TOR1AIP2: variants seen among roughly 807,000 people sequenced by gnomAD.
TOR1AIP2 encodes torsin-1A-interacting protein 2.
In TOR1AIP2, 20 loss-of-function variants were observed where a neutral mutation model predicts 32.6. That is an observed-to-expected ratio of 0.61 (90% CI 0.43 to 0.89). TOR1AIP2 has a LOEUF of 0.89. Among genes scored for constraint, TOR1AIP2 ranks in the 40% least tolerant of loss-of-function variants. TOR1AIP2 has a pLI of 0.00. For synonymous variants in TOR1AIP2, 214 were observed against 210.8 expected (o/e 1.02, Z -0.13); for missense variants, 456 against 553.8 (o/e 0.82, Z 1.77).
rs1425024739 is a variant in TOR1AIP2 at position 179,840,779 on chromosome 1, G to A, written c.*5292C>T. The A allele has an allele frequency of 6.6e-6, 1 of 151,878 alleles. No individual in the cohort carries two copies. The highest frequency in any genetic ancestry group is 1.5e-5 in the Non-Finnish European group (1 of 68,018). The allele number at this position is 151,878 out of a possible 1,614,324, so 9.4% of individuals were successfully genotyped here. On this transcript the variant is annotated 3_prime_UTR_variant, in exon 7 of 7. Transcript: ENST00000609928. ...GGCTGGGGGAGGGATAGCATTAGGA[G>A]AAATACCTAATGTAGATGACGGGTT...
At chr1:179,864,692 G>A in intron 3 of TOR1AIP2, 1 of 1,500,368 alleles carries the variant, frequency 6.7e-7, no homozygotes, top group Non-Finnish European at 8.8e-7. Context: ...GACAATCTGG[G>A]TCAGACTTAG....
chr1:179,870,497 A>C (rs1254713908), intron 2 of TOR1AIP2, among the ~76,000 whole-genome samples: 1 of 152,192 alleles, frequency 6.6e-6, no homozygotes, highest in Non-Finnish European at 1.5e-5. Flanking sequence ...ATGATTCAGG[A>C]CCATTAGGCA....
rs1221972597 is a variant in TOR1AIP2 at position 179,863,517 on chromosome 1, C to A, written c.-147+1919G>T. 5 of 984,574 alleles carry A rather than the reference C, an allele frequency of 5.1e-6. No homozygotes were observed. In the African/African-American group the frequency reaches 7.0e-5, roughly 14 times the overall value. The allele number at this position is 984,574 out of a possible 1,614,324, so 61.0% of individuals were successfully genotyped here. A position where few individuals can be genotyped will look rare whatever the true frequency, so the allele number is the denominator to read the frequency against. On this transcript the variant is annotated intron_variant, in intron 3 of 6. Transcript: ENST00000609928. ...TATTGTACTCATTGAGAAAAAAAAACCTAACGATAAAAAGCAAACATGGAT... is the reference window on the plus strand; with the variant it reads ...TATTGTACTCATTGAGAAAAAAAAAACTAACGATAAAAAGCAAACATGGAT...
intron 3 of TOR1AIP2, chr1:179,862,122 T>C (rs1231563109): frequency 8.1e-6 from 8 of 985,194 alleles, no homozygotes; most frequent in Admixed American, 1.2e-4. Flanking sequence ...TGCTTAGGTA[T>C]TGATTTGAGA....
At position 179,846,476 on chromosome 1, in the gene TOR1AIP2, G is replaced by C. The variant is rs1254481735; in HGVS notation, c.1008C>G (p.Thr336=). The C allele has an allele frequency of 3.1e-6, 5 of 1,614,038 alleles. No individual in the cohort carries two copies. Among genetic ancestry groups the C allele is most frequent in the Non-Finnish European group, 4.2e-6 (5 of 1,180,048 alleles). Residue 336 remains threonine, a synonymous_variant, in exon 7 of 7, where the codon ACC becomes ACG. Transcript: ENST00000609928. Reference sequence around the variant, plus strand: ...GCTTGACCGTGTCACTGTCCTGCCAGGTCCTTCCAGCCCCATCAATCTGAA... The same window carrying C: ...GCTTGACCGTGTCACTGTCCTGCCACGTCCTTCCAGCCCCATCAATCTGAA... ...SPIQIDGAGR[T]WQDSDTVKLL...
At chr1:179,848,397 G>C (rs1255671687) in intron 5 of TOR1AIP2, among the ~76,000 whole-genome samples, 1 of 152,168 alleles carries the variant, frequency 6.6e-6, no homozygotes, top group Non-Finnish European at 1.5e-5. Flanking sequence ...TTCTAAGATA[G>C]GAGAGATTAG....
chr1:179,855,740 T>C (rs1030178359), intron 3 of TOR1AIP2, among the ~76,000 whole-genome samples: 2 of 152,236 alleles, frequency 1.3e-5, no homozygotes, highest in African/African-American at 4.8e-5. Context: ...TGCTGTATTG[T>C]TTAAAATGAG....
intron 3 of TOR1AIP2, chr1:179,859,284 G>C (rs757448320): frequency 1.2e-6 from 1 of 817,488 alleles, no homozygotes; most frequent in Non-Finnish European, 1.5e-6. Flanking sequence ...ATCTTATGAG[G>C]TGTAGACTAT....
At chr1:179,856,693 C>G (rs895798047) in intron 3 of TOR1AIP2, among the ~76,000 whole-genome samples, 3 of 152,080 alleles carry the variant, frequency 2.0e-5, no homozygotes, top group African/African-American at 7.2e-5. Flanking sequence ...CTTGGCTCAC[C>G]GCAACCTCCA....
intron 4 of TOR1AIP2, among the ~76,000 whole-genome samples, chr1:179,852,143 G>C (rs1474226903): frequency 6.6e-6 from 1 of 152,074 alleles, no homozygotes; most frequent in South Asian, 2.1e-4. Context: ...CACTGGGTGT[G>C]GTGGCAGGCG....
chr1:179,863,152 G>A, intron 3 of TOR1AIP2: 1 of 669,902 alleles, frequency 1.5e-6, no homozygotes, highest in Non-Finnish European at 1.8e-6. Flanking sequence ...CTTGAACCCG[G>A]AAGGCAGAGG....
rs1009276802 is a variant in TOR1AIP2, at chr1:179,850,845, C to T, written c.553G>A (p.Glu185Lys). Reference protein sequence around the residue: ...DTLRRRLLAPEAGSHPQQTQK... With the variant: ...DTLRRRLLAPKAGSHPQQTQK... ...AGAGTAGTTCAGGGGGTTCTCTTAC[C>T]TGGGGCCAGCAGTCGCCTCCTCAGT... Residue 185 changes from glutamate (E) to lysine (K), a missense_variant and splice_region_variant, in exon 5 of 7, where the codon GAG (glutamate) becomes AAG (lysine). By Grantham distance (56) the Glu-to-Lys change is moderately conservative. Coordinates refer to ENST00000609928, the MANE Select transcript of TOR1AIP2 (RefSeq NM_001199260.2). 2.5e-6 allele frequency: 4 copies of T among 1,612,114 alleles called. No individual in the cohort carries two copies. Among genetic ancestry groups the T allele is most frequent in the Admixed American group, 1.7e-5 (1 of 59,898 alleles).
In TOR1AIP2 at chr1:179,841,153, C is replaced by T. The variant is rs183896076; in HGVS notation, c.*4918G>A. ...ACATCTTTGCAAATATATTATTCAA[C>T]CAAGCATTTGCCATAAAGATAAGCA... On this transcript the variant is annotated 3_prime_UTR_variant, in exon 7 of 7. Transcript: ENST00000609928. The T allele has an allele frequency of 2.9e-3, 439 of 152,220 alleles. 2 individuals are homozygous for T. Among genetic ancestry groups the T allele is most frequent in the African/African-American group, 0.01 (428 of 41,534 alleles). The allele number at this position is 152,220 out of a possible 1,614,324, so 9.4% of individuals were successfully genotyped here.
At chr1:179,859,124 G>T (rs1696415186) in intron 3 of TOR1AIP2, 4 of 983,764 alleles carry the variant, frequency 4.1e-6, no homozygotes, top group Non-Finnish European at 3.6e-6. Context: ...CTGGTATCTT[G>T]GCCCTGAAAC....
At chr1:179,872,184 T>A (rs1021839137) in intron 2 of TOR1AIP2, among the ~76,000 whole-genome samples, 1 of 152,208 alleles carries the variant, frequency 6.6e-6, no homozygotes, top group Non-Finnish European at 1.5e-5. Flanking sequence ...ACCATACTTT[T>A]TGAGGGGCAT....
intron 2 of TOR1AIP2, chr1:179,868,204 C>T (rs1379971022): frequency 2.0e-5 from 3 of 152,254 alleles, no homozygotes; most frequent in Non-Finnish European, 4.4e-5. Flanking sequence ...CCCTTAGCCT[C>T]AAATCCCCCC....
At chr1:179,865,266 G>T in intron 3 of TOR1AIP2, 170 bp downstream of exon 3, 1 of 1,455,860 alleles carries the variant, frequency 6.9e-7, no homozygotes, top group Non-Finnish European at 9.1e-7. Flanking sequence ...CCTATTACAG[G>T]TTTCGTTTAC....
intron 5 of TOR1AIP2, among the ~76,000 whole-genome samples, 183 bp downstream of exon 5, chr1:179,850,662 G>C (rs1696078826): frequency 1.3e-5 from 2 of 152,250 alleles, no homozygotes; most frequent in African/African-American, 4.8e-5. Context: ...AGCTAGCCTA[G>C]ATGAGAAACC....
intron 3 of TOR1AIP2, chr1:179,864,192 A>G (rs1009253955): frequency 3.0e-6 from 3 of 985,356 alleles, no homozygotes; most frequent in South Asian, 4.7e-5. Context: ...CCAGTTATCA[A>G]TAATCTCACA....
Sources: gnomAD v4.1 joint callset for allele counts (sites outside exome capture counted in the v4.1 genomes callset) on GRCh38, gnomAD v4.1.1 for gene constraint, MANE v1.5 for transcripts, NCBI Gene and HGNC (gene_info 2026-07-23, HGNC 2026-07-21) for gene names.